MAP4K3: variants seen among roughly 807,000 people sequenced by gnomAD.
MAP4K3 encodes MAPK/ERK kinase kinase kinase 3.
MAP4K3 carries 94 observed loss-of-function variants against 143.5 expected under a neutral mutation model. The observed-to-expected ratio is 0.65, with a 90% confidence interval of 0.55 to 0.78. MAP4K3 has a LOEUF of 0.78. MAP4K3 is among the 30% of genes least tolerant of loss of function. The probability of loss-of-function intolerance (pLI) is 0.00; values close to 1 mark genes in which losing one functional copy is unlikely to be tolerated. For synonymous variants in MAP4K3, 416 were observed against 347.2 expected, an observed-to-expected ratio of 1.20 and a Z score of -2.20; for missense variants, 1,077 against 1,068.1, an observed-to-expected ratio of 1.01 and a Z score of -0.12.
At chr2:39,418,869 G>C (rs1667467774) in intron 1 of MAP4K3, among the ~76,000 whole-genome samples, 1 of 152,190 alleles carries the variant, frequency 6.6e-6, no homozygotes, top group African/African-American at 2.4e-5. Context: ...ATAGTAACTA[G>C]AATATGGTAT....
chr2:39,254,464 A>C lies in MAP4K3; in HGVS notation c.2527T>G (p.Phe843Val). 1 of 1,613,880 alleles carries C rather than the reference A, an allele frequency of 6.2e-7. No homozygotes were observed. The highest frequency in any genetic ancestry group is 8.5e-7 in the Non-Finnish European group (1 of 1,179,866). Reference protein sequence around the residue: ...FWKHGMQGRSFRSNEVTQEIS... With the variant: ...FWKHGMQGRSVRSNEVTQEIS... ...AATTTACTTACCTCATTAGATCTAAAACTTCTACCTTGCATTCCATGTTTC... is the reference window on the plus strand; with the variant it reads ...AATTTACTTACCTCATTAGATCTAACACTTCTACCTTGCATTCCATGTTTC... Residue 843 changes from phenylalanine (F) to valine (V), a missense_variant, in exon 32 of 34, where the codon TTT (phenylalanine) becomes GTT (valine). This residue lies in a region of MAP4K3 where 864 missense variants were observed against 801.2 expected (regional missense o/e 1.08). Coordinates refer to ENST00000263881, the MANE Select transcript of MAP4K3 (RefSeq NM_003618.4).
At chr2:39,377,302 CTTA>C (rs1666246032) in intron 2 of MAP4K3, among the ~76,000 whole-genome samples, 1 of 147,276 alleles carries the variant, frequency 6.8e-6, no homozygotes, top group African/African-American at 2.5e-5. Flanking sequence ...CCAATAAACT[CTTA>C]TTATCAGCTT....
At chr2:39,316,993 C>CA (rs1476412969) in intron 12 of MAP4K3, among the ~76,000 whole-genome samples, 1 of 152,098 alleles carries the variant, frequency 6.6e-6, no homozygotes, top group Non-Finnish European at 1.5e-5. Context: ...ACAGGCATCA[C>CA]ATTACCTGAT....
At chr2:39,330,424 T>C (rs1163771134) in intron 8 of MAP4K3, among the ~76,000 whole-genome samples, 1 of 152,142 alleles carries the variant, frequency 6.6e-6, no homozygotes, top group Admixed American at 6.6e-5. Context: ...GTTACTCCCA[T>C]GCACGGTTTC....
intron 23 of MAP4K3, 136 bp from the exon 24 acceptor site, chr2:39,278,622 A>C: frequency 1.8e-6 from 1 of 562,262 alleles, no homozygotes; most frequent in Non-Finnish European, 3.2e-6. Context: ...AGTGAATACA[A>C]AGAGGTTAGA....
chr2:39,335,033 T>C (rs531086267), intron 6 of MAP4K3, among the ~76,000 whole-genome samples: 1 of 152,188 alleles, frequency 6.6e-6, no homozygotes, highest in East Asian at 1.9e-4. Context: ...TTTGAAGACC[T>C]GGGGCTAGAA....
At chr2:39,405,104 G>A (rs180690097) in intron 1 of MAP4K3, among the ~76,000 whole-genome samples, 70 of 152,298 alleles carry the variant, frequency 4.6e-4, no homozygotes, top group Non-Finnish European at 8.8e-4. Flanking sequence ...GGGTCACAGC[G>A]GGCCTTGGGC....
intron 29 of MAP4K3, among the ~76,000 whole-genome samples, chr2:39,259,697 T>C (rs1276189330): frequency 2.0e-5 from 3 of 152,136 alleles, no homozygotes; most frequent in African/African-American, 7.2e-5. Flanking sequence ...AAAAAGGAAA[T>C]GTGAAACATA....
At chr2:39,310,028 T>A (rs559826428) in intron 13 of MAP4K3, among the ~76,000 whole-genome samples, 1 of 152,202 alleles carries the variant, frequency 6.6e-6, no homozygotes. Flanking sequence ...ATATGCGATA[T>A]TTTGATACAC....
intron 4 of MAP4K3, among the ~76,000 whole-genome samples, chr2:39,341,384 C>T (rs1464256865): frequency 1.3e-5 from 2 of 152,072 alleles, no homozygotes; most frequent in Non-Finnish European, 2.9e-5. Context: ...GGAGGCCGGG[C>T]GTGGTAGCTC....
intron 3 of MAP4K3, among the ~76,000 whole-genome samples, chr2:39,350,948 G>C (rs1355487305): frequency 6.6e-6 from 1 of 152,186 alleles, no homozygotes; most frequent in African/African-American, 2.4e-5. Context: ...AAAATTTTCA[G>C]AGGGGAAAAA....
intron 2 of MAP4K3, among the ~76,000 whole-genome samples, chr2:39,374,637 G>A (rs1229837464): frequency 2.6e-5 from 4 of 151,790 alleles, no homozygotes; most frequent in South Asian, 2.1e-4. Context: ...AGCTGAGATC[G>A]GGCCACTGCA....
chr2:39,395,581 T>C (rs1238796703), intron 1 of MAP4K3, among the ~76,000 whole-genome samples: 2 of 152,236 alleles, frequency 1.3e-5, no homozygotes, highest in Admixed American at 6.5e-5. Flanking sequence ...CTTACTGCTT[T>C]TGTTCTTTTG....
chr2:39,290,211 A>C, intron 19 of MAP4K3, 81 bp downstream of exon 19: 1 of 989,462 alleles, frequency 1.0e-6, no homozygotes, highest in Middle Eastern at 2.2e-4. Context: ...ACAAATGAAA[A>C]GCTAGAAAAA....
chr2:39,334,001 T>TG (rs759958395), intron 6 of MAP4K3, among the ~76,000 whole-genome samples: 7 of 79,846 alleles, frequency 8.8e-5, no homozygotes, highest in Non-Finnish European at 2.0e-4. Flanking sequence ...GTGTGTGTGT[T>TG]TTTAAAAGAA....
chr2:39,292,358 T>C (rs891634628), intron 18 of MAP4K3, among the ~76,000 whole-genome samples: 1 of 152,174 alleles, frequency 6.6e-6, no homozygotes, highest in Non-Finnish European at 1.5e-5. Flanking sequence ...TTAAATGAGG[T>C]TGTAACAGTG....
intron 24 of MAP4K3, among the ~76,000 whole-genome samples, chr2:39,276,513 G>C (rs1681259865): frequency 6.6e-6 from 1 of 152,192 alleles, no homozygotes; most frequent in Non-Finnish European, 1.5e-5. Context: ...GAGCTAGCTT[G>C]CCTAGGTTCA....
intron 13 of MAP4K3, among the ~76,000 whole-genome samples, chr2:39,310,530 T>A (rs1251979923): frequency 1.3e-5 from 2 of 152,256 alleles, no homozygotes. Context: ...TCCTGGGTAT[T>A]GTGATAATGC....
chr2:39,260,719 T>C lies in MAP4K3; in HGVS notation c.2195A>G (p.Glu732Gly). 6.2e-7 allele frequency: 1 copy of C among 1,613,728 alleles called. No individual in the cohort carries two copies. The highest frequency in any genetic ancestry group is 8.5e-7 in the Non-Finnish European group (1 of 1,179,644). The change falls in exon 29 of 34, where the codon GAA (glutamate) becomes GGA (glycine). Residue 732 changes from glutamate to glycine, a missense_variant. By Grantham distance (98) the Glu-to-Gly change is moderately conservative (BLOSUM62 -2). This residue lies in a region of MAP4K3 where 864 missense variants were observed against 801.2 expected (regional missense o/e 1.08). Coordinates refer to ENST00000263881, the MANE Select transcript of MAP4K3 (RefSeq NM_003618.4). ...AACACAAACTAAAGGGTACTCCTGT[T>C]CAGGAACTACCAGCATTTCAAACAT... Reference protein sequence around the residue: ...LRMFEMLVVPEQEYPLVCVGV... With the variant: ...LRMFEMLVVPGQEYPLVCVGV...
Sources: allele counts gnomAD v4.1 joint callset (sites outside exome capture counted in the v4.1 genomes callset), GRCh38; gene constraint gnomAD v4.1.1; regional missense constraint gnomAD v4.1.1; transcripts MANE v1.5; gene names NCBI Gene and HGNC (gene_info 2026-07-23, HGNC 2026-07-21).